Variants in ANKRD36C observed in about 807,000 individuals in gnomAD.
The protein encoded by ANKRD36C is ankyrin repeat domain 36C, also known as ankyrin repeat domain-containing protein 36C.
A neutral mutation model predicts 276.4 loss-of-function variants in ANKRD36C; 61 were observed. The ratio of observed to expected loss-of-function variants is 0.22; its 90% CI spans 0.18 to 0.27. The LOEUF (loss-of-function observed/expected upper bound fraction) is 0.27. Among genes scored for constraint, ANKRD36C ranks in the 10% least tolerant of loss-of-function variants. The probability of loss-of-function intolerance (pLI) is 1.00; values close to 1 mark genes in which losing one functional copy is unlikely to be tolerated. For synonymous variants in ANKRD36C, 483 were observed against 680.1 expected, an observed-to-expected ratio of 0.71 and a Z score of 4.51; for missense variants, 1,447 against 2,032.3, an observed-to-expected ratio of 0.71 and a Z score of 5.54.
intron 34 of ANKRD36C, among the ~76,000 whole-genome samples, chr2:95,921,195 G>A (rs2104422183): frequency 6.6e-6 from 1 of 150,764 alleles, no homozygotes; most frequent in East Asian, 2.0e-4. Flanking sequence ...ATTCTACAGT[G>A]TCTATGGGTT....
intron 44 of ANKRD36C, among the ~76,000 whole-genome samples, chr2:95,894,714 C>T (rs1676486298): frequency 6.6e-6 from 1 of 151,364 alleles, no homozygotes; most frequent in African/African-American, 2.4e-5. Context: ...ATCAACAAAA[C>T]ATGTATCTCT....
At chr2:95,889,422 T>C (rs1676279228) in intron 48 of ANKRD36C, among the ~76,000 whole-genome samples, 1 of 151,528 alleles carries the variant, frequency 6.6e-6, no homozygotes, top group Non-Finnish European at 1.5e-5. Flanking sequence ...TAGGATCACT[T>C]TTCCCTCTGT....
At chr2:95,858,300 G>A (rs1246069683) in intron 61 of ANKRD36C, among the ~76,000 whole-genome samples, 54 of 151,842 alleles carry the variant, frequency 3.6e-4, no homozygotes, top group Admixed American at 1.4e-3. Context: ...TAAAACATTC[G>A]TATGTTGGTT....
rs778964398 is a variant in ANKRD36C at position 95,891,562 on chromosome 2, T to C, written c.2857+103A>G. On this transcript the variant is annotated intron_variant, in intron 46 of 66. Transcript: ENST00000456556. ...AATGAAGAATCTCAGGACTGCTGTA[T>C]CAGAATGTGCAGCTTCAACGAACCC... The C allele has an allele frequency of 8.7e-5, 119 of 1,370,220 alleles. 1 individual carries two copies. The highest frequency in any genetic ancestry group is 1.1e-4 in the Non-Finnish European group (114 of 1,008,434). 84.9% of individuals were successfully genotyped at this position (1,370,220 alleles called of 1,614,324 possible). A position where few individuals can be genotyped will look rare whatever the true frequency, so the allele number is the denominator to read the frequency against.
At chr2:95,981,726 C>T (rs1678925962) in intron 4 of ANKRD36C, among the ~76,000 whole-genome samples, 1 of 151,840 alleles carries the variant, frequency 6.6e-6, no homozygotes, top group Admixed American at 6.6e-5. Context: ...CAAGGTCACA[C>T]ATCTAGCAAG....
chr2:95,887,776 T>C, intron 50 of ANKRD36C, 149 bp downstream of exon 70: 1 of 989,286 alleles, frequency 1.0e-6, no homozygotes, highest in Non-Finnish European at 1.5e-6. Flanking sequence ...AGCATCAGCG[T>C]CACCCAAGAA....
chr2:95,912,253 A>G, exon 42 of ANKRD36C: 1 of 1,549,940 alleles, frequency 6.5e-7, no homozygotes, highest in East Asian at 2.4e-5. Flanking sequence ...CCTGTCCTAG[A>G]TGTTTCTCCA....
intron 46 of ANKRD36C, among the ~76,000 whole-genome samples, chr2:95,891,271 C>A (rs112882232): frequency 6.6e-6 from 1 of 150,850 alleles, no homozygotes; most frequent in African/African-American, 2.4e-5. Flanking sequence ...ACAGTGTCTA[C>A]GGGTTGTTAC....
At chr2:95,910,338 A>T in intron 42 of ANKRD36C, 35 bp downstream of exon 46, 12 of 1,519,550 alleles carry the variant, frequency 7.9e-6, no homozygotes, top group Non-Finnish European at 1.1e-5. Context: ...ATCTATCTGG[A>T]CAGAACACGA....
At chr2:95,940,784 C>T (rs1373520047) in intron 20 of ANKRD36C, among the ~76,000 whole-genome samples, 22 of 146,610 alleles carry the variant, frequency 1.5e-4, no homozygotes, top group African/African-American at 5.6e-4. Flanking sequence ...TACACCATCC[C>T]ACCTCACATT....
intron 50 of ANKRD36C, among the ~76,000 whole-genome samples, chr2:95,887,718 T>A (rs1015888420): frequency 6.6e-6 from 1 of 151,638 alleles, no homozygotes; most frequent in African/African-American, 2.4e-5. Flanking sequence ...CCAATTTCGA[T>A]GTGGGGAAGT....
exon 63 of ANKRD36C, chr2:95,855,839 A>C (rs1176649295): frequency 1.2e-6 from 2 of 1,613,754 alleles, no homozygotes; most frequent in Non-Finnish European, 1.7e-6. Context: ...GATCACATAG[A>C]GCAGCATTCA....
chr2:95,855,994 C>G (rs1362399499), exon 63 of ANKRD36C: 1 of 1,612,904 alleles, frequency 6.2e-7, no homozygotes, highest in Non-Finnish European at 8.5e-7. Flanking sequence ...GCTAATGTTT[C>G]CTCATTCCGT....
At chr2:95,879,101 C>T (rs1464797166) in intron 58 of ANKRD36C, among the ~76,000 whole-genome samples, 1 of 152,176 alleles carries the variant, frequency 6.6e-6, no homozygotes, top group Non-Finnish European at 1.5e-5. Context: ...AAATGTGATA[C>T]ATATATGGCT....
intron 3 of ANKRD36C, among the ~76,000 whole-genome samples, chr2:95,983,220 G>A (rs1328748234): frequency 6.6e-6 from 1 of 151,630 alleles, no homozygotes; most frequent in Non-Finnish European, 1.5e-5. Context: ...GGAGAGCCGG[G>A]CTCTGAATTA....
chr2:95,925,463 T>C (rs1436392907), intron 29 of ANKRD36C, 39 bp from the exon 30 acceptor site: 4 of 1,547,136 alleles, frequency 2.6e-6, no homozygotes, highest in Non-Finnish European at 3.5e-6. Context: ...ATACATAATA[T>C]ATATTTCATA....
intron 24 of ANKRD36C, among the ~76,000 whole-genome samples, chr2:95,934,877 C>T (rs1034040666): frequency 1.3e-5 from 2 of 152,312 alleles, no homozygotes; most frequent in African/African-American, 2.4e-5. Flanking sequence ...CCTGTATCTA[C>T]CAAAGAGTCA....
chr2:95,989,444 T>C (rs1484883844), intron 1 of ANKRD36C, among the ~76,000 whole-genome samples: 3 of 152,042 alleles, frequency 2.0e-5, no homozygotes, highest in African/African-American at 7.2e-5. Flanking sequence ...TCAAACCAAC[T>C]TTTTTTCAGA....
At chr2:95,874,354 G>C (rs1034072748) in intron 59 of ANKRD36C, among the ~76,000 whole-genome samples, 1 of 152,150 alleles carries the variant, frequency 6.6e-6, no homozygotes, top group African/African-American at 2.4e-5. Flanking sequence ...GAACAGAATA[G>C]AGCCCTCAGA....
Sources: allele counts gnomAD v4.1 joint callset (sites outside exome capture counted in the v4.1 genomes callset), GRCh38; gene constraint gnomAD v4.1.1; transcripts MANE v1.5; gene names NCBI Gene and HGNC (gene_info 2026-07-23, HGNC 2026-07-21).